The following ANKRD30B variants were observed in gnomAD, a reference collection of about 807,000 sequenced individuals.
The protein encoded by ANKRD30B is ankyrin repeat domain-containing protein 30B.
In ANKRD30B, 144 loss-of-function variants were observed where a neutral mutation model predicts 202.2. The observed-to-expected ratio is 0.71, with a 90% CI of 0.62 to 0.82. The LOEUF (loss-of-function observed/expected upper bound fraction) is 0.82. Ranked by LOEUF, ANKRD30B falls within the 40% of genes least tolerant of loss-of-function variation. ANKRD30B has a pLI of 0.00. For missense variants in ANKRD30B, 1,487 were observed against 1,669.1 expected (o/e 0.89, Z 1.90); for synonymous variants, 508 against 561.3 (o/e 0.91, Z 1.34).
At chr18:14,864,559 A>C in the ANKRD30B span, among the ~76,000 whole-genome samples, 1 of 150,582 alleles carries the variant, frequency 6.6e-6, no homozygotes, top group African/African-American at 2.4e-5. Context: ...AAAGCCTTCT[A>C]TACTTTACCG....
chr18:14,850,330 C>G lies in ANKRD30B; in HGVS notation c.3512C>G (p.Thr1171Ser), dbSNP rs745930754. The G allele has an allele frequency of 3.8e-6, 6 of 1,590,676 alleles. No homozygotes were observed. In the Admixed American group the frequency reaches 1.1e-4, roughly 29 times the overall value. ...GAAGTGAAACAACAACTTGAACAGACTCTCAGAATACAAGATATAGAATTG... is the reference window on the plus strand; with the variant it reads ...GAAGTGAAACAACAACTTGAACAGAGTCTCAGAATACAAGATATAGAATTG... ...KLEVKQQLEQTLRIQDIELKS... is the reference protein window; with the variant it reads ...KLEVKQQLEQSLRIQDIELKS... Residue 1171 changes from threonine to serine, a missense_variant, in exon 41 of 44, where the codon ACT becomes AGT. Physicochemically the swap from Thr to Ser is moderately conservative, Grantham distance 58. Transcript: ENST00000690538.
the ANKRD30B span, among the ~76,000 whole-genome samples, chr18:14,939,835 C>G: frequency 6.6e-6 from 1 of 152,206 alleles, no homozygotes; most frequent in African/African-American, 2.4e-5. Context: ...AGGCATAGCA[C>G]GTGGAGGGAC....
At chr18:14,785,276 C>T (rs1968010319) in intron 14 of ANKRD30B, among the ~76,000 whole-genome samples, 1 of 152,050 alleles carries the variant, frequency 6.6e-6, no homozygotes, top group Non-Finnish European at 1.5e-5. Flanking sequence ...TTTTCAACTT[C>T]TAATGTATAC....
At chr18:14,756,585 T>C (rs951861356) in intron 4 of ANKRD30B, among the ~76,000 whole-genome samples, 5 of 152,176 alleles carry the variant, frequency 3.3e-5, no homozygotes, top group Non-Finnish European at 5.9e-5. Flanking sequence ...TTTTACACCT[T>C]ATACACTTTT....
intron 33 of ANKRD30B, among the ~76,000 whole-genome samples, chr18:14,828,772 T>TA (rs1226197860): frequency 6.6e-6 from 1 of 152,228 alleles, no homozygotes; most frequent in Non-Finnish European, 1.5e-5. Context: ...GTTTAACCGT[T>TA]AAAGTGGTAA....
the ANKRD30B span, among the ~76,000 whole-genome samples, chr18:14,907,069 G>A: frequency 6.6e-6 from 1 of 152,236 alleles, no homozygotes; most frequent in African/African-American, 2.4e-5. Flanking sequence ...TTATGAAGAT[G>A]AAGGCTTCAG....
chr18:14,926,002 T>TA, the ANKRD30B span, among the ~76,000 whole-genome samples: 90 of 151,424 alleles, frequency 5.9e-4, no homozygotes, highest in African/African-American at 1.8e-3. Context: ...GGTTTTCAGA[T>TA]AAAAAAAAAT....
chr18:14,751,586 T>C (rs1913464834), intron 1 of ANKRD30B, among the ~76,000 whole-genome samples: 1 of 152,138 alleles, frequency 6.6e-6, no homozygotes, highest in South Asian at 2.1e-4. Flanking sequence ...GTAATATTAA[T>C]CATCAAAAAT....
At position 14,782,540 on chromosome 18, in the gene ANKRD30B, G is replaced by A. The variant is rs769768246; in HGVS notation, c.1496G>A (p.Ser499Asn). Residue 499 changes from serine to asparagine, a missense_variant, in exon 12 of 44, where the codon AGT becomes AAT. Physicochemically the swap from Ser to Asn is conservative, Grantham distance 46 (BLOSUM62 1). This residue lies in a region of ANKRD30B where 889 missense variants were observed against 841.4 expected (regional missense o/e 1.06). Coordinates refer to ENST00000690538, the MANE Select transcript of ANKRD30B (RefSeq NM_001367607.2). Reference protein sequence around the residue: ...YSWDSGSLFESSAKTQVCIPE... With the variant: ...YSWDSGSLFENSAKTQVCIPE... Reference sequence around the variant, plus strand: ...TACTTTTAACAGAGTCTCTTTGAGAGTTCTGCAAAGACTCAAGTGTGTATA... The same window carrying A: ...TACTTTTAACAGAGTCTCTTTGAGAATTCTGCAAAGACTCAAGTGTGTATA... The A allele has an allele frequency of 2.3e-5, 37 of 1,585,966 alleles. No homozygotes were observed. The Admixed American group carries it at 6.0e-4, about 26-fold the overall frequency.
the ANKRD30B span, among the ~76,000 whole-genome samples, chr18:14,934,707 G>C: frequency 1.3e-5 from 2 of 152,088 alleles, no homozygotes; most frequent in Non-Finnish European, 2.9e-5. Context: ...TGAACGTTGG[G>C]AATATTCAAG....
At chr18:14,847,872 C>T (rs1256867619) in intron 39 of ANKRD30B, among the ~76,000 whole-genome samples, 2 of 151,962 alleles carry the variant, frequency 1.3e-5, no homozygotes, top group Admixed American at 6.6e-5. Flanking sequence ...CCTGACCTGG[C>T]TTGGTCTTAG....
chr18:14,840,709 T>C, intron 37 of ANKRD30B, 31 bp downstream of exon 37: 6 of 1,278,988 alleles, frequency 4.7e-6, no homozygotes, highest in Non-Finnish European at 6.5e-6. Context: ...AAAACATCTT[T>C]TGTCCAAATG....
At chr18:14,828,140 T>G (rs1970740489) in intron 32 of ANKRD30B, 138 bp from the exon 33 acceptor site, 1 of 669,476 alleles carries the variant, frequency 1.5e-6, no homozygotes, top group African/African-American at 1.9e-5. Context: ...CCTGGACCTC[T>G]CAGATGATCC....
chr18:14,752,535 A>G (rs1272749418), intron 1 of ANKRD30B, 31 bp from the exon 2 acceptor site: 4 of 1,554,684 alleles, frequency 2.6e-6, no homozygotes, highest in Admixed American at 1.8e-5. Flanking sequence ...AGTGGGCTAT[A>G]CTTTGCCTAA....
the ANKRD30B span, among the ~76,000 whole-genome samples, chr18:14,936,298 T>C: frequency 6.6e-6 from 1 of 152,202 alleles, no homozygotes; most frequent in Admixed American, 6.5e-5. Context: ...ACAAAAGTAT[T>C]TACTGTGTGA....
the ANKRD30B span, among the ~76,000 whole-genome samples, chr18:14,898,292 G>T: frequency 1.3e-5 from 2 of 152,154 alleles, no homozygotes; most frequent in Non-Finnish European, 2.9e-5. Context: ...GGGGATGGCA[G>T]CCGGGGGGAG....
At chr18:14,842,651 A>G (rs1297866415) in intron 37 of ANKRD30B, among the ~76,000 whole-genome samples, 14 of 152,270 alleles carry the variant, frequency 9.2e-5, no homozygotes, top group Non-Finnish European at 1.9e-4. Context: ...CACATTTTGC[A>G]TGCACAACAC....
the ANKRD30B span, among the ~76,000 whole-genome samples, chr18:14,872,069 T>C: frequency 6.6e-6 from 1 of 152,072 alleles, no homozygotes; most frequent in East Asian, 1.9e-4. Flanking sequence ...GTAGGAAACT[T>C]GCCCAAGATC....
intron 9 of ANKRD30B, among the ~76,000 whole-genome samples, chr18:14,776,695 C>T (rs1967376558): frequency 6.6e-6 from 1 of 152,164 alleles, no homozygotes; most frequent in Non-Finnish European, 1.5e-5. Flanking sequence ...TTTTATTTTT[C>T]TCTTTTTATG....
Sources: gnomAD v4.1 joint callset for allele counts (sites outside exome capture counted in the v4.1 genomes callset) on GRCh38, gnomAD v4.1.1 for gene constraint, gnomAD v4.1.1 regional missense constraint, MANE v1.5 for transcripts, NCBI Gene and HGNC (gene_info 2026-07-23, HGNC 2026-07-21) for gene names.